KIAA0825: variants seen among roughly 807,000 people sequenced by gnomAD.
KIAA0825 encodes KIAA0825, also known as uncharacterized protein KIAA0825.
Under a neutral mutation model 147.6 loss-of-function variants are expected in KIAA0825, and 119 were observed. The observed-to-expected ratio is 0.81, with a 90% CI of 0.69 to 0.94. The LOEUF (loss-of-function observed/expected upper bound fraction) is 0.94, where lower values mean the gene tolerates loss of function less well. Ranked by LOEUF, KIAA0825 falls within the 40% of genes least tolerant of loss-of-function variation. The probability of loss-of-function intolerance (pLI) is 0.00; values close to 1 mark genes in which losing one functional copy is unlikely to be tolerated. For missense variants in KIAA0825, 1,381 were observed against 1,472.7 expected (o/e 0.94, Z 1.02); for synonymous variants, 470 against 518.1 (o/e 0.91, Z 1.26).
rs539883938 is a variant in KIAA0825, at chr5:94,364,281, G to A, written c.3710+20087C>T. Among the ~76,000 whole-genome samples the A allele has an allele frequency of 2.6e-5, 4 of 152,018 alleles. No homozygotes were observed. The East Asian group carries it at 7.7e-4, about 29-fold the overall frequency. On this transcript the variant is annotated intron_variant, in intron 20 of 20. Coordinates refer to ENST00000682413, the MANE Select transcript of KIAA0825 (RefSeq NM_001145678.3). Reference sequence around the variant, plus strand: ...AGTGGGTCTTCGACGGGCAGAGTAGGGGGTGATGACAGTCAGTGCAAGCAG... The same window carrying A: ...AGTGGGTCTTCGACGGGCAGAGTAGAGGGTGATGACAGTCAGTGCAAGCAG...
At chr5:94,237,474 A>G (rs1775113644) in intron 20 of KIAA0825, among the ~76,000 whole-genome samples, 1 of 152,186 alleles carries the variant, frequency 6.6e-6, no homozygotes, top group Non-Finnish European at 1.5e-5. Flanking sequence ...GCAAGCCAGC[A>G]AGGTAAAAGC....
In KIAA0825 at chr5:94,471,737, G is replaced by A. The variant is rs1336738337; in HGVS notation, c.1456-6C>T. On this transcript the variant is annotated splice_polypyrimidine_tract_variant and splice_region_variant and intron_variant, in intron 8 of 20. Transcript: ENST00000682413. Reference sequence around the variant, plus strand: ...TCCATGATGTCAGAACAAAACTAGGGAGAAATAAATGTGGCACTGAGTTAT... The same window carrying A: ...TCCATGATGTCAGAACAAAACTAGGAAGAAATAAATGTGGCACTGAGTTAT... 3 of 1,551,936 alleles carry A rather than the reference G, an allele frequency of 1.9e-6. No individual in the cohort carries two copies. Among genetic ancestry groups the A allele is most frequent in the East Asian group, 2.4e-5 (1 of 40,918 alleles).
chr5:94,571,733 C>G (rs1188327889), intron 2 of KIAA0825, among the ~76,000 whole-genome samples: 1 of 152,150 alleles, frequency 6.6e-6, no homozygotes, highest in Admixed American at 6.5e-5. Context: ...TAAGTGTCAA[C>G]AAACATTTTA....
intron 11 of KIAA0825, among the ~76,000 whole-genome samples, chr5:94,463,375 T>G (rs1328674739): frequency 1.3e-5 from 2 of 148,886 alleles, no homozygotes; most frequent in African/African-American, 4.9e-5. Flanking sequence ...GGTCTCAAAT[T>G]TATTATATAA....
chr5:94,494,678 C>A (rs1764149000), intron 5 of KIAA0825, among the ~76,000 whole-genome samples: 1 of 152,096 alleles, frequency 6.6e-6, no homozygotes, highest in Non-Finnish European at 1.5e-5. Context: ...CTTTCTTGGT[C>A]TCAAATTTTG....
intron 1 of KIAA0825, among the ~76,000 whole-genome samples, chr5:94,597,331 C>T (rs547617711): frequency 9.4e-4 from 143 of 152,018 alleles, no homozygotes; most frequent in African/African-American, 3.3e-3. Context: ...TTTATCAGCA[C>T]AACTGAATTA....
chr5:94,498,309 A>G (rs914166096), intron 5 of KIAA0825, among the ~76,000 whole-genome samples: 8 of 152,318 alleles, frequency 5.3e-5, no homozygotes, highest in Admixed American at 3.3e-4. Flanking sequence ...CCCTGGGCCA[A>G]TCAGAAGCCT....
chr5:94,280,323 T>C (rs564857551), intron 20 of KIAA0825, among the ~76,000 whole-genome samples: 9 of 152,208 alleles, frequency 5.9e-5, no homozygotes, highest in Non-Finnish European at 1.0e-4. Context: ...TTTTATCTTA[T>C]GGTAAAACTG....
rs1766617983 is a variant in KIAA0825, at chr5:94,152,844, A to AT, written c.*1162_*1163insA. On this transcript the variant is annotated 3_prime_UTR_variant, in exon 21 of 21. Transcript: ENST00000682413. Reference sequence around the variant, plus strand: ...ATGAAAAAAAAAAAAAAAAAAAAAAAAAAAAAAAAAATTATATATATATAT... The same window carrying AT: ...ATGAAAAAAAAAAAAAAAAAAAAAAATAAAAAAAAAAATTATATATATATAT... The AT allele has an allele frequency of 2.8e-5, 1 of 36,286 alleles. No individual in the cohort carries two copies. The highest frequency in any genetic ancestry group is 5.5e-5 in the Non-Finnish European group (1 of 18,284). The allele number at this position is 36,286 out of a possible 1,614,324, so 2.2% of individuals were successfully genotyped here. A position where few individuals can be genotyped will look rare whatever the true frequency, so the allele number is the denominator to read the frequency against.
chr5:94,520,718 T>C lies in KIAA0825; in HGVS notation c.500A>G (p.His167Arg), dbSNP rs772061121. The change falls in exon 5 of 21, where the codon CAT becomes CGT. Residue 167 changes from histidine to arginine, a missense_variant. Physicochemically the swap from His to Arg is conservative, Grantham distance 29. Transcript: ENST00000682413. ...VKSMWDDIRL[H>R]LRRFLVSKLQ... The stretch of plus-strand genomic sequence containing the variant: ...TTTGCTCACTAAGAAGCGTCGAAGA[T>C]GCAGTCTTATATCATCCCACATAGA... 1 of 1,613,456 alleles carries C rather than the reference T, an allele frequency of 6.2e-7. No homozygotes were observed. Among genetic ancestry groups the C allele is most frequent in the Non-Finnish European group, 8.5e-7 (1 of 1,179,494 alleles).
intron 20 of KIAA0825, among the ~76,000 whole-genome samples, chr5:94,202,512 A>G (rs1771791385): frequency 6.6e-6 from 1 of 152,320 alleles, no homozygotes; most frequent in African/African-American, 2.4e-5. Context: ...AGCAGGAGGA[A>G]TAGGCTATTA....
chr5:94,186,038 A>G (rs116367256), intron 20 of KIAA0825, among the ~76,000 whole-genome samples: 97 of 152,324 alleles, frequency 6.4e-4, no homozygotes, highest in African/African-American at 2.2e-3. Flanking sequence ...AGGTAATACA[A>G]TGCATTTTCT....
intron 3 of KIAA0825, among the ~76,000 whole-genome samples, chr5:94,524,875 A>C (rs1052888006): frequency 6.6e-6 from 1 of 151,912 alleles, no homozygotes; most frequent in Non-Finnish European, 1.5e-5. Context: ...TCTGTTTTAA[A>C]ATTTCCATTC....
intron 20 of KIAA0825, among the ~76,000 whole-genome samples, chr5:94,227,359 G>C (rs915185982): frequency 5.3e-5 from 8 of 151,780 alleles, no homozygotes; most frequent in Non-Finnish European, 1.0e-4. Context: ...AGAACACATG[G>C]ACACAGGAAG....
intron 20 of KIAA0825, among the ~76,000 whole-genome samples, chr5:94,216,023 T>A (rs961845024): frequency 6.6e-6 from 1 of 152,170 alleles, no homozygotes; most frequent in African/African-American, 2.4e-5. Context: ...CTCTTCCTGA[T>A]GATCCCATGC....
rs573152367 is a variant in KIAA0825 at position 94,265,030 on chromosome 5, G to A, written c.3711-110906C>T. Among the ~76,000 whole-genome samples the A allele has an allele frequency of 3.9e-5, 6 of 152,072 alleles. 1 individual carries two copies. In the East Asian group the frequency reaches 5.8e-4, roughly 15 times the overall value. On this transcript the variant is annotated intron_variant, in intron 20 of 20. Coordinates refer to ENST00000682413, the MANE Select transcript of KIAA0825 (RefSeq NM_001145678.3). ...ACTTCTAGCCTCAAGTGATCTGCCC[G>A]CCTTGGCCTCCCAAAGTGCTGGGAT... is the stretch of plus-strand genomic sequence containing the variant.
intron 1 of KIAA0825, among the ~76,000 whole-genome samples, chr5:94,606,778 TG>T (rs946333143): frequency 2.0e-5 from 3 of 152,052 alleles, no homozygotes; most frequent in African/African-American, 7.2e-5. Flanking sequence ...CATATTAAAG[TG>T]GGGGCTCGTG....
chr5:94,591,443 G>A (rs1784339284), intron 1 of KIAA0825, among the ~76,000 whole-genome samples: 3 of 152,144 alleles, frequency 2.0e-5, no homozygotes, highest in Non-Finnish European at 4.4e-5. Flanking sequence ...TTCAAGACAT[G>A]AATTAAATGT....
At chr5:94,250,788 T>A (rs1775916900) in intron 20 of KIAA0825, among the ~76,000 whole-genome samples, 1 of 152,144 alleles carries the variant, frequency 6.6e-6, no homozygotes, top group Admixed American at 6.6e-5. Context: ...CAAAACAAGT[T>A]ATAAGCACTG....
Sources: allele counts gnomAD v4.1 joint callset (sites outside exome capture counted in the v4.1 genomes callset), GRCh38; gene constraint gnomAD v4.1.1; transcripts MANE v1.5; gene names NCBI Gene and HGNC (gene_info 2026-07-23, HGNC 2026-07-21).